The following RCOR1 variants were observed in gnomAD, a reference collection of about 807,000 sequenced individuals.
RCOR1 encodes the protein REST corepressor 1, also known as REST corepressor.
A neutral mutation model predicts 64.0 loss-of-function variants in RCOR1; 12 were observed. The ratio of observed to expected loss-of-function variants is 0.19; its 90% CI spans 0.12 to 0.30. The LOEUF (loss-of-function observed/expected upper bound fraction) is 0.30. Among genes scored for constraint, RCOR1 ranks in the 10% least tolerant of loss-of-function variants. The pLI is 1.00. For synonymous variants in RCOR1, 279 were observed against 227.2 expected (o/e 1.23, Z -2.05); for missense variants, 502 against 621.2 (o/e 0.81, Z 2.04).
intron 2 of RCOR1, among the ~76,000 whole-genome samples, chr14:102,598,622 G>A (rs1006271019): frequency 3.3e-5 from 5 of 151,678 alleles, no homozygotes. Context: ...TAATTTTTTT[G>A]TATTTTAAGT....
At chr14:102,674,480 ATGC>A (rs1182964639) in intron 2 of RCOR1, among the ~76,000 whole-genome samples, 1 of 152,152 alleles carries the variant, frequency 6.6e-6, no homozygotes, top group African/African-American at 2.4e-5. Flanking sequence ...TTTTTTTAAA[ATGC>A]TGATTAGGAA....
At chr14:102,621,788 G>A (rs1426408635) in intron 2 of RCOR1, among the ~76,000 whole-genome samples, 3 of 152,118 alleles carry the variant, frequency 2.0e-5, no homozygotes, top group African/African-American at 7.2e-5. Flanking sequence ...ATGGGGAATA[G>A]GGGAAAGAGA....
intron 2 of RCOR1, among the ~76,000 whole-genome samples, chr14:102,616,622 T>G (rs904549958): frequency 1.3e-5 from 2 of 152,108 alleles, no homozygotes; most frequent in African/African-American, 4.8e-5. Context: ...AAGAGATACA[T>G]ATAGGGCCAG....
chr14:102,682,664 G>A (rs923149522), intron 3 of RCOR1, among the ~76,000 whole-genome samples: 1 of 152,124 alleles, frequency 6.6e-6, no homozygotes, highest in Non-Finnish European at 1.5e-5. Context: ...GTCCTTCTAA[G>A]TGTGTTCCAG....
chr14:102,653,073 G>C (rs7142608), intron 2 of RCOR1, among the ~76,000 whole-genome samples: 54,370 of 151,444 alleles, frequency 0.36, 10,757 homozygotes, highest in African/African-American at 0.53. Flanking sequence ...GCTGGAACTA[G>C]AGGCGCGCGC....
chr14:102,621,165 T>C (rs1251371255), intron 2 of RCOR1, among the ~76,000 whole-genome samples: 2 of 152,130 alleles, frequency 1.3e-5, no homozygotes, highest in African/African-American at 2.4e-5. Flanking sequence ...AGAGACAGGA[T>C]CTAACTGCGT....
At chr14:102,593,396 G>A (rs1893175528) in intron 2 of RCOR1, 71 bp downstream of exon 2, 3 of 1,412,176 alleles carry the variant, frequency 2.1e-6, no homozygotes, top group Admixed American at 3.2e-5. Context: ...AGCCCGAGGG[G>A]GCGGGAGCCC....
chr14:102,626,675 C>T (rs757471132), intron 2 of RCOR1, among the ~76,000 whole-genome samples: 13 of 152,198 alleles, frequency 8.5e-5, no homozygotes, highest in Non-Finnish European at 1.5e-4. Context: ...GCTTCTGCCA[C>T]AGCAGGCACA....
At chr14:102,630,983 G>A (rs150173378) in intron 2 of RCOR1, among the ~76,000 whole-genome samples, 26 of 152,214 alleles carry the variant, frequency 1.7e-4, no homozygotes, top group African/African-American at 5.1e-4. Context: ...AGTGAGGTCT[G>A]CAGTAGGACC....
chr14:102,602,120 C>G (rs1017581780), intron 2 of RCOR1, among the ~76,000 whole-genome samples: 31 of 150,272 alleles, frequency 2.1e-4, no homozygotes, highest in African/African-American at 5.4e-4. Flanking sequence ...GGTTGTGCCA[C>G]TGCACTCCAG....
At chr14:102,705,112 T>TCAACAA (rs569745143) in intron 4 of RCOR1, among the ~76,000 whole-genome samples, 5 of 151,186 alleles carry the variant, frequency 3.3e-5, no homozygotes, top group Non-Finnish European at 5.9e-5. Context: ...CAACTCTATA[T>TCAACAA]CAACAACAAC....
intron 10 of RCOR1, 52 bp from the exon 11 acceptor site, chr14:102,722,135 T>TA (rs1896179511): frequency 1.1e-5 from 16 of 1,438,014 alleles, no homozygotes; most frequent in Middle Eastern, 1.8e-4. Flanking sequence ...CTTGTGGTTT[T>TA]AAAAAAATGT....
At chr14:102,605,067 CAAAAAAAA>C (rs71119718) in intron 2 of RCOR1, among the ~76,000 whole-genome samples, 7,579 of 94,208 alleles carry the variant, frequency 0.08, 286 homozygotes, top group Non-Finnish European at 0.1. Flanking sequence ...TATTCCATCT[CAAAAAAAA>C]AAAAAAAAAA....
chr14:102,653,983 C>CTTTCTTTCTTTT (rs1334055763), intron 2 of RCOR1, among the ~76,000 whole-genome samples: 4 of 33,172 alleles, frequency 1.2e-4, no homozygotes, highest in Non-Finnish European at 1.9e-4. Flanking sequence ...TTCTTTCTTT[C>CTTTCTTTCTTTT]TTTTTTTTTT....
intron 2 of RCOR1, among the ~76,000 whole-genome samples, chr14:102,625,975 A>G (rs1234066300): frequency 2.0e-5 from 3 of 152,014 alleles, no homozygotes; most frequent in South Asian, 2.1e-4. Context: ...TCTCTGCCCT[A>G]CCTCAGCCAC....
chr14:102,639,501 A>G, intron 2 of RCOR1, among the ~76,000 whole-genome samples: 1 of 23,408 alleles, frequency 4.3e-5, no homozygotes, highest in South Asian at 1.1e-3. Context: ...TTTAATTTTT[A>G]TTTATTTATT....
At chr14:102,681,377 C>T (rs1895300193) in intron 2 of RCOR1, among the ~76,000 whole-genome samples, 1 of 152,186 alleles carries the variant, frequency 6.6e-6, no homozygotes, top group Non-Finnish European at 1.5e-5. Flanking sequence ...TACATGTCAG[C>T]TCCACCCCTG....
At chr14:102,669,715 A>C (rs1006108380) in intron 2 of RCOR1, among the ~76,000 whole-genome samples, 1 of 152,210 alleles carries the variant, frequency 6.6e-6, no homozygotes, top group Non-Finnish European at 1.5e-5. Context: ...AGGCACGTCA[A>C]AGTACACAGT....
intron 2 of RCOR1, among the ~76,000 whole-genome samples, chr14:102,612,351 G>A (rs938413523): frequency 2.6e-5 from 4 of 151,832 alleles, no homozygotes; most frequent in African/African-American, 9.7e-5. Context: ...TTACAGGTGC[G>A]CGCCACCACG....
Sources: gnomAD v4.1 joint callset for allele counts (sites outside exome capture counted in the v4.1 genomes callset) on GRCh38, gnomAD v4.1.1 for gene constraint, MANE v1.5 for transcripts, NCBI Gene and HGNC (gene_info 2026-07-23, HGNC 2026-07-21) for gene names.